PARD3B: variants seen among roughly 807,000 people sequenced by gnomAD.
PARD3B encodes par-3 family cell polarity regulator beta, also known as partitioning defective 3 homolog B.
A neutral mutation model predicts 130.2 loss-of-function variants in PARD3B; 103 were observed. The ratio of observed to expected loss-of-function variants is 0.79; its 90% confidence interval spans 0.67 to 0.93. The LOEUF is 0.93. PARD3B is among the 40% of genes least tolerant of loss of function. The probability of loss-of-function intolerance (pLI) is 0.00; values close to 1 mark genes in which losing one functional copy is unlikely to be tolerated. For missense variants in PARD3B, 1,609 were observed against 1,499.2 expected, an observed-to-expected ratio of 1.07 and a Z score of -1.21; for synonymous variants, 583 against 553.2, an observed-to-expected ratio of 1.05 and a Z score of -0.76.
chr2:205,177,833 G>T (rs2035555368), intron 13 of PARD3B, among the ~76,000 whole-genome samples: 1 of 152,100 alleles, frequency 6.6e-6, no homozygotes, highest in Non-Finnish European at 1.5e-5. Flanking sequence ...TTTTACAAAT[G>T]AAGGTCTAGA....
At chr2:205,523,361 G>A (rs180985026) in intron 21 of PARD3B, among the ~76,000 whole-genome samples, 2,616 of 150,944 alleles carry the variant, frequency 0.017, 61 homozygotes, top group East Asian at 0.045. Flanking sequence ...TCTTTGCCTC[G>A]GCCTCCTGAG....
At chr2:205,316,721 A>G (rs1240812395) in intron 18 of PARD3B, among the ~76,000 whole-genome samples, 4 of 152,102 alleles carry the variant, frequency 2.6e-5, no homozygotes, top group Non-Finnish European at 5.9e-5. Context: ...TACTCCTGAA[A>G]AACCTACTCC....
intron 2 of PARD3B, among the ~76,000 whole-genome samples, chr2:204,790,194 A>G (rs1255203144): frequency 2.0e-5 from 3 of 152,124 alleles, no homozygotes; most frequent in South Asian, 2.1e-4. Flanking sequence ...AAAATAGTTC[A>G]TGGAACAATT....
At position 205,244,859 on chromosome 2, in the gene PARD3B, T is replaced by C. The variant is rs1003867026; in HGVS notation, c.2141-919T>C. Among the ~76,000 whole-genome samples the C allele has an allele frequency of 6.6e-6, 1 of 152,220 alleles. No homozygotes were observed. The highest frequency in any genetic ancestry group is 2.4e-5 in the African/African-American group (1 of 41,460). ...CATTCAAATGGATGCCCTTCAGTTA[T>C]GAAGTTTTCTACTCTGGCTGTTGGA... On this transcript the variant is annotated intron_variant, in intron 15 of 22. Coordinates refer to ENST00000406610, the MANE Select transcript of PARD3B (RefSeq NM_001302769.2). This position sits in a 1 kb window ranked among gnomAD's most constrained non-coding sequence, Gnocchi z 4.7.
intron 4 of PARD3B, among the ~76,000 whole-genome samples, chr2:205,050,436 C>G (rs1000539949): frequency 6.6e-6 from 1 of 151,436 alleles, no homozygotes; most frequent in African/African-American, 2.4e-5. Flanking sequence ...TTAATATATC[C>G]TTGCATAGCC....
In PARD3B at chr2:205,158,579, C is replaced by G. The variant is rs1262242788; in HGVS notation, c.1435-143C>G. Reference sequence around the variant, plus strand: ...CTCCTTGTGGAGAGCTAAACCCAGCCTTTGCCTGCCAGGAGCCGATTACAG... The same window carrying G: ...CTCCTTGTGGAGAGCTAAACCCAGCGTTTGCCTGCCAGGAGCCGATTACAG... On this transcript the variant is annotated intron_variant, in intron 10 of 22. Transcript: ENST00000406610. This position sits in a 1 kb window ranked among gnomAD's most constrained non-coding sequence, Gnocchi z 5.4. 3.7e-6 allele frequency: 3 copies of G among 808,694 alleles called. No homozygotes were observed. Among genetic ancestry groups the G allele is most frequent in the East Asian group, 5.0e-5 (2 of 40,050 alleles). The allele number at this position is 808,694 out of a possible 1,614,324, so 50.1% of individuals were successfully genotyped here. A position where few individuals can be genotyped will look rare whatever the true frequency, so the allele number is the denominator to read the frequency against.
chr2:204,853,753 G>A (rs2044805740), intron 2 of PARD3B, among the ~76,000 whole-genome samples: 1 of 152,202 alleles, frequency 6.6e-6, no homozygotes, highest in African/African-American at 2.4e-5. Context: ...GGAGTCATCA[G>A]TGAATGCAAT....
intron 6 of PARD3B, among the ~76,000 whole-genome samples, chr2:205,117,898 A>G (rs2030037012): frequency 3.2e-5 from 1 of 30,866 alleles, no homozygotes; most frequent in Non-Finnish European, 8.1e-5. Flanking sequence ...ATGTAACAGA[A>G]TTGTGTATGT....
chr2:205,371,403 T>C (rs1259518162), intron 18 of PARD3B, among the ~76,000 whole-genome samples: 1 of 152,182 alleles, frequency 6.6e-6, no homozygotes, highest in Non-Finnish European at 1.5e-5. Context: ...GACACATTCT[T>C]CTAAGTTTTG....
intron 1 of PARD3B, among the ~76,000 whole-genome samples, chr2:204,553,209 A>G (rs1224328801): frequency 6.6e-6 from 1 of 152,190 alleles, no homozygotes; most frequent in Admixed American, 6.5e-5. Context: ...ACAATGTGAT[A>G]CCACCTCACT....
At chr2:204,832,618 A>T (rs528458894) in intron 2 of PARD3B, among the ~76,000 whole-genome samples, 12 of 152,316 alleles carry the variant, frequency 7.9e-5, no homozygotes, top group African/African-American at 2.9e-4. Context: ...GAAGACTGGC[A>T]TGGGAGACAA....
intron 4 of PARD3B, among the ~76,000 whole-genome samples, chr2:205,101,919 G>A (rs755391800): frequency 2.0e-5 from 3 of 152,092 alleles, no homozygotes; most frequent in Non-Finnish European, 4.4e-5. Flanking sequence ...TCTTTTTGGG[G>A]TGATAAAAAT....
At chr2:204,767,297 A>G (rs1487889177) in intron 2 of PARD3B, among the ~76,000 whole-genome samples, 1 of 18,460 alleles carries the variant, frequency 5.4e-5, no homozygotes, top group Non-Finnish European at 1.1e-4. Flanking sequence ...ATGATTTCCA[A>G]TTTCATCCAT....
At chr2:204,683,142 A>C (rs2036918978) in intron 1 of PARD3B, among the ~76,000 whole-genome samples, 1 of 152,194 alleles carries the variant, frequency 6.6e-6, no homozygotes, top group African/African-American at 2.4e-5. Flanking sequence ...ATAATGTCAA[A>C]AGTGGAGAAA....
At chr2:205,039,104 G>A (rs1300179030) in intron 3 of PARD3B, among the ~76,000 whole-genome samples, 1 of 151,848 alleles carries the variant, frequency 6.6e-6, no homozygotes, top group East Asian at 1.9e-4. Flanking sequence ...AGATTTCAGT[G>A]TTGTGCAGTT....
intron 2 of PARD3B, among the ~76,000 whole-genome samples, chr2:204,826,433 G>C (rs1038728677): frequency 6.6e-6 from 1 of 152,122 alleles, no homozygotes. Flanking sequence ...ATTCTATTCA[G>C]TAGGGCACAA....
intron 22 of PARD3B, among the ~76,000 whole-genome samples, chr2:205,559,724 A>G (rs1164967285): frequency 3.4e-5 from 5 of 148,242 alleles, no homozygotes; most frequent in African/African-American, 1.2e-4. Flanking sequence ...TCAGCCTCCC[A>G]AGTAGCTAGG....
chr2:205,401,745 G>T (rs1032152587), intron 19 of PARD3B, among the ~76,000 whole-genome samples: 2 of 152,042 alleles, frequency 1.3e-5, no homozygotes, highest in African/African-American at 4.8e-5. Flanking sequence ...GTTAACTCTG[G>T]CACTTATCGC....
intron 21 of PARD3B, among the ~76,000 whole-genome samples, chr2:205,511,936 G>A (rs1053516517): frequency 6.6e-6 from 1 of 152,162 alleles, no homozygotes; most frequent in Non-Finnish European, 1.5e-5. Flanking sequence ...TTGACTGAGA[G>A]TCGTTCTGAG....
Sources: gnomAD v4.1 joint callset for allele counts (sites outside exome capture counted in the v4.1 genomes callset) on GRCh38, gnomAD v4.1.1 for gene constraint, Gnocchi (gnomAD v3.1) non-coding constraint, MANE v1.5 for transcripts, NCBI Gene and HGNC (gene_info 2026-07-23, HGNC 2026-07-21) for gene names.